OCA2: variants seen among roughly 807,000 people sequenced by gnomAD.
The protein encoded by OCA2 is P protein.
Under a neutral mutation model 100.2 loss-of-function variants are expected in OCA2, and 77 were observed. The observed-to-expected ratio is 0.77, with a 90% CI of 0.64 to 0.93. The LOEUF (loss-of-function observed/expected upper bound fraction) is 0.93, where lower values mean the gene tolerates loss of function less well. OCA2 is among the 40% of genes least tolerant of loss of function. The probability of loss-of-function intolerance (pLI) is 0.00; values close to 1 mark genes in which losing one functional copy is unlikely to be tolerated. For missense variants in OCA2, 1,062 were observed against 1,089.1 expected (o/e 0.98, Z 0.35); for synonymous variants, 432 against 439.2 (o/e 0.98, Z 0.21).
chr15:27,787,420 T>C (rs2032866006), intron 23 of OCA2, among the ~76,000 whole-genome samples: 1 of 152,096 alleles, frequency 6.6e-6, no homozygotes, highest in Middle Eastern at 3.2e-3. Flanking sequence ...ATTTAATCTG[T>C]TTACTTGTTA....
In OCA2 at chr15:27,872,505, A is replaced by G. The variant is rs192838083; in HGVS notation, c.2080-583T>C. On this transcript the variant is annotated intron_variant, in intron 19 of 23. Coordinates refer to ENST00000354638, the MANE Select transcript of OCA2 (RefSeq NM_000275.3). ...CTTCTGCCCAGGTGGCCAAGGTCCC[A>G]CACAGGGATGCCCAGAGGCTCACGA... is the stretch of plus-strand genomic sequence containing the variant. Among the ~76,000 whole-genome samples the G allele has an allele frequency of 8.4e-3, 1,280 of 152,234 alleles. 16 individuals carry two copies. The highest frequency in any genetic ancestry group is 0.03 in the African/African-American group (1,236 of 41,548).
chr15:28,024,272 T>C (rs1199590602), intron 5 of OCA2, among the ~76,000 whole-genome samples: 1 of 152,196 alleles, frequency 6.6e-6, no homozygotes, highest in Admixed American at 6.5e-5. Context: ...TCCCACACTC[T>C]GTTCCCTACA....
At chr15:27,827,933 G>A (rs9806708) in intron 23 of OCA2, among the ~76,000 whole-genome samples, 76,862 of 151,896 alleles carry the variant, frequency 0.51, 20,035 homozygotes, top group South Asian at 0.76. Flanking sequence ...TAAGGTCACT[G>A]GATAAGACGA....
intron 19 of OCA2, among the ~76,000 whole-genome samples, chr15:27,920,520 A>T (rs1244503054): frequency 1.3e-5 from 2 of 152,148 alleles, no homozygotes; most frequent in East Asian, 3.8e-4. Flanking sequence ...AAAATAAAGG[A>T]AAGTGTGACC....
intron 21 of OCA2, among the ~76,000 whole-genome samples, chr15:27,863,075 T>C (rs1445395021): frequency 6.6e-6 from 1 of 152,098 alleles, no homozygotes; most frequent in African/African-American, 2.4e-5. Flanking sequence ...AGCGGGAGGC[T>C]GGCAGGGCTG....
chr15:27,841,244 T>C (rs1022412179), intron 23 of OCA2, among the ~76,000 whole-genome samples: 51 of 152,342 alleles, frequency 3.3e-4, no homozygotes, highest in African/African-American at 1.2e-3. Flanking sequence ...TTATGTAGCA[T>C]TCTTGCAATG....
At chr15:27,929,825 A>AAATTTTTTTTTTT (rs71132826) in intron 18 of OCA2, among the ~76,000 whole-genome samples, 93 of 148,914 alleles carry the variant, frequency 6.2e-4, no homozygotes, top group South Asian at 8.6e-4. Flanking sequence ...CAAATGGGAA[A>AAATTTTTTTTTTT]TATTTTAAAC....
intron 18 of OCA2, among the ~76,000 whole-genome samples, chr15:27,944,347 T>C (rs1347764697): frequency 1.3e-5 from 2 of 152,226 alleles, no homozygotes; most frequent in African/African-American, 2.4e-5. Context: ...GTTTAGTTTA[T>C]AGCTTAAATG....
intron 23 of OCA2, 119 bp downstream of exon 23, chr15:27,844,840 A>C: frequency 1.3e-6 from 1 of 780,522 alleles, no homozygotes; most frequent in Non-Finnish European, 2.2e-6. Context: ...CCCCTACACC[A>C]CAGTCTCTCT....
intron 19 of OCA2, among the ~76,000 whole-genome samples, chr15:27,897,624 G>A (rs765786469): frequency 1.2e-4 from 18 of 152,196 alleles, no homozygotes; most frequent in African/African-American, 3.1e-4. Flanking sequence ...CTGCAGGGGC[G>A]GGGCCTTCAT....
At chr15:28,045,097 C>T in intron 2 of OCA2, among the ~76,000 whole-genome samples, 1 of 152,128 alleles carries the variant, frequency 6.6e-6, no homozygotes, top group East Asian at 1.9e-4. Flanking sequence ...TTCTATTTGA[C>T]AATCTGTTCC....
chr15:28,060,237 T>G (rs1345789309), intron 2 of OCA2, among the ~76,000 whole-genome samples: 1 of 152,204 alleles, frequency 6.6e-6, no homozygotes, highest in African/African-American at 2.4e-5. Context: ...TCAGACCACC[T>G]CATGGACACT....
In OCA2 at chr15:27,856,676, T is replaced by TACACACACACAAACACACACCCCTAAC. The variant is rs1595524946; in HGVS notation, c.2245-5228_2245-5202dup. On this transcript the variant is annotated intron_variant, in intron 21 of 23. Transcript: ENST00000354638. ...TTTAAAGTGGCAGTAATTATTTCTG[T>TACACACACACAAACACACACCCCTAAC]ACACACACACAAACACACACCCCTA... 2.0e-5 allele frequency among the ~76,000 whole-genome samples: 3 copies of TACACACACACAAACACACACCCCTAAC among 149,586 alleles called. No homozygotes were observed. In the East Asian group the frequency reaches 5.8e-4, roughly 29 times the overall value.
chr15:28,093,311 A>T (rs1485996729), intron 1 of OCA2, among the ~76,000 whole-genome samples: 1 of 151,900 alleles, frequency 6.6e-6, no homozygotes, highest in East Asian at 1.9e-4. Flanking sequence ...AATCCCAGCT[A>T]CCGAGGAGAC....
intron 2 of OCA2, among the ~76,000 whole-genome samples, chr15:28,067,839 T>C (rs2141728494): frequency 6.6e-6 from 1 of 152,308 alleles, no homozygotes; most frequent in Non-Finnish European, 1.5e-5. Flanking sequence ...TGCAGATGTC[T>C]ATTAGGTCCA....
At chr15:27,889,539 C>T (rs889566617) in intron 19 of OCA2, among the ~76,000 whole-genome samples, 2 of 152,212 alleles carry the variant, frequency 1.3e-5, no homozygotes, top group East Asian at 1.9e-4. Flanking sequence ...CTGGAGCTGG[C>T]ACCTCAGCCC....
At chr15:27,893,672 C>A (rs1183072154) in intron 19 of OCA2, among the ~76,000 whole-genome samples, 3 of 152,208 alleles carry the variant, frequency 2.0e-5, no homozygotes, top group East Asian at 1.9e-4. Flanking sequence ...TCTTGCAGAA[C>A]CCTCGGACTT....
chr15:27,932,436 T>G, intron 18 of OCA2, among the ~76,000 whole-genome samples: 1 of 147,144 alleles, frequency 6.8e-6, no homozygotes. Flanking sequence ...AGTTTCTTTG[T>G]GAAACTGAGA....
intron 19 of OCA2, among the ~76,000 whole-genome samples, chr15:27,907,112 A>G (rs1399973963): frequency 6.6e-6 from 1 of 152,218 alleles, no homozygotes; most frequent in Non-Finnish European, 1.5e-5. Context: ...AAATTTCAAC[A>G]TAAGGTTTGA....
Sources: allele counts gnomAD v4.1 joint callset (sites outside exome capture counted in the v4.1 genomes callset), GRCh38; gene constraint gnomAD v4.1.1; transcripts MANE v1.5; gene names NCBI Gene and HGNC (gene_info 2026-07-23, HGNC 2026-07-21).